The following ARHGAP31 variants were observed in gnomAD, a reference collection of about 807,000 sequenced individuals.
ARHGAP31 encodes rho GTPase-activating protein 31.
In ARHGAP31, 34 loss-of-function variants were observed where a neutral mutation model predicts 113.9. The observed-to-expected ratio is 0.30, with a 90% CI of 0.23 to 0.40. ARHGAP31 has a LOEUF of 0.40. Among genes scored for constraint, ARHGAP31 ranks in the 10% least tolerant of loss-of-function variants. The pLI is 1.00. For synonymous variants in ARHGAP31, 650 were observed against 684.8 expected, an observed-to-expected ratio of 0.95 and a Z score of 0.79; for missense variants, 1,548 against 1,767.1, an observed-to-expected ratio of 0.88 and a Z score of 2.22.
intron 1 of ARHGAP31, among the ~76,000 whole-genome samples, chr3:119,316,574 T>G (rs924255704): frequency 2.0e-5 from 3 of 152,202 alleles, no homozygotes; most frequent in Non-Finnish European, 4.4e-5. Context: ...GGAGTGAGCT[T>G]GAGTTGGGGG....
intron 6 of ARHGAP31, among the ~76,000 whole-genome samples, chr3:119,387,417 G>A (rs1411350435): frequency 6.6e-6 from 1 of 152,168 alleles, no homozygotes; most frequent in Non-Finnish European, 1.5e-5. Flanking sequence ...AATGATTAAT[G>A]ATATTCATAT....
intron 1 of ARHGAP31, among the ~76,000 whole-genome samples, chr3:119,341,179 T>C (rs2080004918): frequency 6.6e-6 from 1 of 151,650 alleles, no homozygotes; most frequent in African/African-American, 2.4e-5. Flanking sequence ...GGACAGCAGA[T>C]AGTCAGGGAG....
intron 1 of ARHGAP31, among the ~76,000 whole-genome samples, chr3:119,308,700 A>T (rs961101444): frequency 6.6e-6 from 1 of 152,218 alleles, no homozygotes; most frequent in Non-Finnish European, 1.5e-5. Context: ...CACAGGTCCC[A>T]GGGATTATGG....
chr3:119,368,579 T>G, intron 3 of ARHGAP31, 63 bp downstream of exon 3: 1 of 1,585,808 alleles, frequency 6.3e-7, no homozygotes. Flanking sequence ...AAGAAGAGTT[T>G]CAGCACTAAA....
intron 1 of ARHGAP31, among the ~76,000 whole-genome samples, chr3:119,337,636 C>A (rs1477747910): frequency 2.0e-5 from 3 of 152,106 alleles, no homozygotes; most frequent in African/African-American, 7.2e-5. Flanking sequence ...GCAGATTGGT[C>A]CGTTTTACAG....
chr3:119,302,037 C>T (rs2079589048), intron 1 of ARHGAP31, among the ~76,000 whole-genome samples: 1 of 152,218 alleles, frequency 6.6e-6, no homozygotes, highest in Non-Finnish European at 1.5e-5. Context: ...GTATTTAAGC[C>T]AATGTGACAT....
intron 6 of ARHGAP31, among the ~76,000 whole-genome samples, chr3:119,383,901 A>G (rs898932260): frequency 3.9e-5 from 6 of 152,218 alleles, no homozygotes; most frequent in African/African-American, 1.4e-4. Flanking sequence ...TGGTTTTCCA[A>G]CATTAGTGTA....
rs1434899982 is a variant in ARHGAP31 at position 119,419,901 on chromosome 3, A to G, written c.*3637A>G. 6.6e-6 allele frequency: 1 copy of G among 152,108 alleles called. No individual in the cohort carries two copies. Among genetic ancestry groups the G allele is most frequent in the Non-Finnish European group, 1.5e-5 (1 of 68,018 alleles). The allele number at this position is 152,108 out of a possible 1,614,324, so 9.4% of individuals were successfully genotyped here. A position where few individuals can be genotyped will look rare whatever the true frequency, so the allele number is the denominator to read the frequency against. ...TTTGGTGAAGTGTGAGATCTCTGCA[A>G]ATGAGCCAGGTAAGATCAGTATTCC... On this transcript the variant is annotated 3_prime_UTR_variant, in exon 12 of 12. Coordinates refer to ENST00000264245, the MANE Select transcript of ARHGAP31 (RefSeq NM_020754.4).
chr3:119,364,192 T>C (rs2080234047), intron 1 of ARHGAP31, among the ~76,000 whole-genome samples: 1 of 139,258 alleles, frequency 7.2e-6, no homozygotes, highest in Non-Finnish European at 1.5e-5. Context: ...ATGTTGTCCA[T>C]TAAATCAATG....
chr3:119,315,736 G>A lies in ARHGAP31; in HGVS notation c.100+20732G>A, dbSNP rs533355711. Among the ~76,000 whole-genome samples, 17 of 152,352 alleles carry A rather than the reference G, an allele frequency of 1.1e-4. No individual in the cohort carries two copies. In the South Asian group the frequency reaches 3.3e-3, roughly 30 times the overall value. ...GTTTGGTGCAAAAGGGGAGCTAGCT[G>A]CTGCTGTGGATGCTGACCAGCAGCT... On this transcript the variant is annotated intron_variant, in intron 1 of 11. Transcript: ENST00000264245.
intron 6 of ARHGAP31, 126 bp downstream of exon 6, chr3:119,383,352 C>CACACAGTAGTCAGCA: frequency 3.3e-6 from 4 of 1,230,474 alleles, no homozygotes; most frequent in Non-Finnish European, 3.6e-6. Flanking sequence ...TGTATGCTGA[C>CACACAGTAGTCAGCA]TACTGTGTGT....
chr3:119,307,799 T>C (rs146406612), intron 1 of ARHGAP31, among the ~76,000 whole-genome samples: 1 of 152,068 alleles, frequency 6.6e-6, no homozygotes, highest in South Asian at 2.1e-4. Context: ...CCATCATTGA[T>C]GGAACAATGT....
chr3:119,303,786 TTTGTTG>T (rs556192445), intron 1 of ARHGAP31, among the ~76,000 whole-genome samples: 8 of 150,960 alleles, frequency 5.3e-5, no homozygotes, highest in Admixed American at 1.3e-4. Context: ...TTTCATGTTT[TTTGTTG>T]TTGTTGTTGT....
At chr3:119,334,254 C>G (rs896725331) in intron 1 of ARHGAP31, among the ~76,000 whole-genome samples, 4 of 152,296 alleles carry the variant, frequency 2.6e-5, no homozygotes, top group South Asian at 4.1e-4. Context: ...CTCCAGCCCC[C>G]ACCCTGTCCT....
chr3:119,409,204 C>G (rs1418000540), intron 10 of ARHGAP31, among the ~76,000 whole-genome samples: 3 of 152,188 alleles, frequency 2.0e-5, no homozygotes, highest in Non-Finnish European at 2.9e-5. Context: ...TGTCTCCAGA[C>G]ATTGCCAAAT....
intron 1 of ARHGAP31, among the ~76,000 whole-genome samples, chr3:119,359,313 G>C (rs115246935): frequency 3.5e-4 from 54 of 152,118 alleles, no homozygotes; most frequent in African/African-American, 1.3e-3. Flanking sequence ...GAGCCACTGT[G>C]ACTGGCCTAT....
intron 1 of ARHGAP31, among the ~76,000 whole-genome samples, chr3:119,315,022 G>C (rs941514049): frequency 6.6e-6 from 1 of 152,150 alleles, no homozygotes; most frequent in Admixed American, 6.5e-5. Flanking sequence ...CCTCCCCCAA[G>C]CCCTGACAGC....
chr3:119,303,328 A>G (rs1576984240), intron 1 of ARHGAP31, among the ~76,000 whole-genome samples: 2 of 152,228 alleles, frequency 1.3e-5, no homozygotes, highest in East Asian at 1.9e-4. Flanking sequence ...ACAGGGGTTC[A>G]TAGCTACTCC....
Position 119,413,966 on chromosome 3 carries a change from C to T in ARHGAP31, c.2037C>T (p.Thr679=), listed in dbSNP as rs754103176. The stretch of plus-strand genomic sequence containing the variant: ...CGTTGCCACCTCCTGCTCTGAAGAC[C>T]AGCCCAATTCAGCCTATTCTCGAGT... ...LSSLPPPALK[T]SPIQPILESS... The change falls in exon 12 of 12, where the codon ACC becomes ACT. Residue 679 remains threonine (T), a synonymous_variant. Coordinates refer to ENST00000264245, the MANE Select transcript of ARHGAP31 (RefSeq NM_020754.4). 1 of 1,614,184 alleles carries T rather than the reference C, an allele frequency of 6.2e-7. No individual in the cohort carries two copies. The highest frequency in any genetic ancestry group is 8.5e-7 in the Non-Finnish European group (1 of 1,180,042).
Sources: gnomAD v4.1 joint callset for allele counts (sites outside exome capture counted in the v4.1 genomes callset) on GRCh38, gnomAD v4.1.1 for gene constraint, MANE v1.5 for transcripts, NCBI Gene and HGNC (gene_info 2026-07-23, HGNC 2026-07-21) for gene names.